LY75: variants seen among roughly 807,000 people sequenced by gnomAD.
LY75 encodes the protein C-type lectin domain family 13 member B.
In LY75, 185 loss-of-function variants were observed where a neutral mutation model predicts 231.7. That is an observed-to-expected ratio of 0.80 (90% CI 0.71 to 0.90). The LOEUF is 0.90. Ranked by LOEUF, LY75 falls within the 40% of genes least tolerant of loss-of-function variation. The pLI is 0.00. For missense variants in LY75, 1,947 were observed against 2,050.2 expected (o/e 0.95, Z 0.97); for synonymous variants, 668 against 689.0 (o/e 0.97, Z 0.48).
chr2:159,818,022 C>T (rs2125832130), intron 29 of LY75, among the ~76,000 whole-genome samples: 1 of 151,968 alleles, frequency 6.6e-6, no homozygotes, highest in Middle Eastern at 3.4e-3. Context: ...GCACTCCAGC[C>T]TGGGTGACAG....
chr2:159,840,752 A>T lies in LY75; in HGVS notation c.3484T>A (p.Trp1162Arg). 2 of 1,614,048 alleles carry T rather than the reference A, an allele frequency of 1.2e-6. No individual in the cohort carries two copies. Among genetic ancestry groups the T allele is most frequent in the Non-Finnish European group, 1.7e-6 (2 of 1,179,958 alleles). Residue 1162 changes from tryptophan (W) to arginine (R), a missense_variant, in exon 25 of 35, where the codon TGG (tryptophan) becomes AGG (arginine). Transcript: ENST00000263636. ...ACATCTTGACTGAAGAGTCCGATCC[A>T]TAAGGAAGAGTTGTGAAGGAGCGCC... is the stretch of plus-strand genomic sequence containing the variant. The part of the protein sequence containing the change: ...VQALLHNSSL[W>R]IGLFSQDDEL...
At chr2:159,842,187 C>CTA (rs75316771) in intron 24 of LY75, 58 bp downstream of exon 24, 247 of 1,436,996 alleles carry the variant, frequency 1.7e-4, no homozygotes, top group South Asian at 4.9e-4. Context: ...CTCTCTCTCT[C>CTA]TATATATATA....
intron 4 of LY75, among the ~76,000 whole-genome samples, chr2:159,886,771 C>A (rs1247133222): frequency 1.3e-5 from 2 of 152,134 alleles, no homozygotes; most frequent in African/African-American, 4.8e-5. Context: ...TTGTCAAATT[C>A]CCTTTCATCT....
rs1298602142 is a variant in LY75, at chr2:159,830,498, T to A, written c.3958+1172A>T. ...TATATTAGACTGTTTTAAAAAATTTTGTTATCAATCATATTTTGGATTGGT... is the reference window on the plus strand; with the variant it reads ...TATATTAGACTGTTTTAAAAAATTTAGTTATCAATCATATTTTGGATTGGT... On this transcript the variant is annotated intron_variant, in intron 28 of 34. Coordinates refer to ENST00000263636, the MANE Select transcript of LY75 (RefSeq NM_002349.4). Among the ~76,000 whole-genome samples the A allele has an allele frequency of 1.3e-5, 2 of 152,180 alleles. 1 individual carries two copies.
At chr2:159,833,863 A>T (rs995380127) in intron 27 of LY75, among the ~76,000 whole-genome samples, 181 bp downstream of exon 27, 4 of 152,178 alleles carry the variant, frequency 2.6e-5, no homozygotes, top group Non-Finnish European at 5.9e-5. Context: ...TTCCCTGCAC[A>T]TGCTCTCTTG....
Position 159,805,035 on chromosome 2 carries a change from TAGA to T in LY75, c.*6_*8del. 2.5e-6 allele frequency: 4 copies of T among 1,610,846 alleles called. No homozygotes were observed. Among genetic ancestry groups the T allele is most frequent in the Non-Finnish European group, 3.4e-6 (4 of 1,177,884 alleles). On this transcript the variant is annotated 3_prime_UTR_variant, in exon 35 of 35. Coordinates refer to ENST00000263636, the MANE Select transcript of LY75 (RefSeq NM_002349.4). ...ACATTAGTGCAAATTAGAAAACTTTTAGAAGAATTTAGTCATGGAAAGAAGGAA... is the reference window on the plus strand; with the variant it reads ...ACATTAGTGCAAATTAGAAAACTTTTAGAATTTAGTCATGGAAAGAAGGAA...
chr2:159,851,226 C>T (rs537882810), intron 21 of LY75, among the ~76,000 whole-genome samples: 22 of 152,138 alleles, frequency 1.4e-4, no homozygotes, highest in South Asian at 1.2e-3. Context: ...TTAAAATGTA[C>T]CCCTAGCTTT....
rs140423558 is a variant in LY75 at position 159,903,814 on chromosome 2, A to C, written c.94+775T>G. 3.8e-3 allele frequency among the ~76,000 whole-genome samples: 586 copies of C among 152,228 alleles called. 6 individuals are homozygous for C. The highest frequency in any genetic ancestry group is 0.013 in the African/African-American group (545 of 41,544). On this transcript the variant is annotated intron_variant, in intron 1 of 34. Transcript: ENST00000263636. ...AAGTAAAAGCAACCGGTTGCTGCCA[A>C]GGGGTGTGGTGTGGTGGGGCTGGCA...
chr2:159,875,473 T>A lies in LY75; in HGVS notation c.1945A>T (p.Ser649Cys). 1 of 1,613,466 alleles carries A rather than the reference T, an allele frequency of 6.2e-7. No homozygotes were observed. Among genetic ancestry groups the A allele is most frequent in the Non-Finnish European group, 8.5e-7 (1 of 1,179,770 alleles). The change falls in exon 12 of 35, where the codon AGT becomes TGT. Residue 649 changes from serine (S) to cysteine (C), a missense_variant. Physicochemically the swap from Ser to Cys is moderately radical, Grantham distance 112. Coordinates refer to ENST00000263636, the MANE Select transcript of LY75 (RefSeq NM_002349.4). ...TAACAAGAAAGACTTGCGGGGAAAC[T>A]CTGCCAGCCTTCAGGACAGGGGTCA... ...PDDPCPEGWQ[S>C]FPASLSCYKV...
At chr2:159,847,291 G>A (rs1259831217) in intron 23 of LY75, among the ~76,000 whole-genome samples, 1 of 152,144 alleles carries the variant, frequency 6.6e-6, no homozygotes, top group African/African-American at 2.4e-5. Context: ...TAGGATTACA[G>A]GCATGAGCCA....
chr2:159,852,179 A>G (rs1389284082), intron 21 of LY75, 22 bp downstream of exon 21: 2 of 1,611,282 alleles, frequency 1.2e-6, no homozygotes, highest in Non-Finnish European at 1.7e-6. Context: ...ATTGTTGCAT[A>G]ATGTAGCAAT....
intron 11 of LY75, 128 bp downstream of exon 11, chr2:159,878,196 A>T: frequency 7.8e-7 from 1 of 1,284,464 alleles, no homozygotes; most frequent in Non-Finnish European, 1.1e-6. Context: ...ATGGTTCCAT[A>T]GATAGACTCC....
chr2:159,834,504 C>A (rs940805882), intron 26 of LY75, among the ~76,000 whole-genome samples: 3 of 152,164 alleles, frequency 2.0e-5, no homozygotes, highest in African/African-American at 7.2e-5. Flanking sequence ...ATGTCAAGTA[C>A]AAGGGACCAC....
rs1247161242 is a variant in LY75 at position 159,879,287 on chromosome 2, C to T, written c.1487G>A (p.Ser496Asn). ...KRKGEKLNDA[S>N]SDKMCPPDEG... Reference sequence around the variant, plus strand: ...ATCTGGAGGACACATCTTATCAGAACTTGCGTCATTCAGTTTTTCTCCCTT... The same window carrying T: ...ATCTGGAGGACACATCTTATCAGAATTTGCGTCATTCAGTTTTTCTCCCTT... The change falls in exon 9 of 35, where the codon AGT (serine) becomes AAT (asparagine). Residue 496 changes from serine to asparagine, a missense_variant. Coordinates refer to ENST00000263636, the MANE Select transcript of LY75 (RefSeq NM_002349.4). 1.2e-6 allele frequency: 2 copies of T among 1,613,714 alleles called. No individual in the cohort carries two copies. The highest frequency in any genetic ancestry group is 1.3e-5 in the African/African-American group (1 of 75,032).
At chr2:159,820,003 A>G in intron 28 of LY75, 83 bp from the exon 29 acceptor site, 3 of 1,357,462 alleles carry the variant, frequency 2.2e-6, no homozygotes, top group East Asian at 2.5e-5. Flanking sequence ...TTCAAACTTG[A>G]CTAATTTTCT....
At chr2:159,834,343 GT>G in intron 26 of LY75, 132 bp from the exon 27 acceptor site, 1 of 1,189,944 alleles carries the variant, frequency 8.4e-7, no homozygotes, top group Non-Finnish European at 1.2e-6. Context: ...GCCTGTCTCT[GT>G]TTATACTCAG....
intron 14 of LY75, among the ~76,000 whole-genome samples, chr2:159,862,759 C>T (rs1383281352): frequency 1.3e-5 from 2 of 152,138 alleles, no homozygotes; most frequent in Admixed American, 6.5e-5. Context: ...TGTGGACTGA[C>T]TAAATTTAGC....
At chr2:159,885,384 C>T in intron 5 of LY75, 91 bp from the exon 6 acceptor site, 1 of 1,493,800 alleles carries the variant, frequency 6.7e-7, no homozygotes, top group Non-Finnish European at 9.0e-7. Context: ...TAATTTTATG[C>T]TTTTATGGGA....
rs776633747 is a variant in LY75 at position 159,842,294 on chromosome 2, A to T, written c.3231T>A (p.Phe1077Leu). Residue 1077 changes from phenylalanine (F) to leucine (L), a missense_variant, in exon 24 of 35, where the codon TTT (phenylalanine) becomes TTA (leucine). Physicochemically the swap from Phe to Leu is conservative, Grantham distance 22. Transcript: ENST00000263636. The part of the protein sequence containing the change: ...QKSPFTGTWN[F>L]TSCSERHFVS... Reference sequence around the variant, plus strand: ...CAAAGTGGCGTTCACTGCAGGATGTAAAATTCCACGTCCCAGTAAACGGTG... The same window carrying T: ...CAAAGTGGCGTTCACTGCAGGATGTTAAATTCCACGTCCCAGTAAACGGTG... The T allele has an allele frequency of 6.2e-7, 1 of 1,612,828 alleles. No individual in the cohort carries two copies. The highest frequency in any genetic ancestry group is 8.5e-7 in the Non-Finnish European group (1 of 1,179,176).
Sources: gnomAD v4.1 joint callset for allele counts (sites outside exome capture counted in the v4.1 genomes callset) on GRCh38, gnomAD v4.1.1 for gene constraint, MANE v1.5 for transcripts, NCBI Gene and HGNC (gene_info 2026-07-23, HGNC 2026-07-21) for gene names.